ATXN2: variants seen among roughly 807,000 people sequenced by gnomAD.
ATXN2 encodes ataxin-2.
A neutral mutation model predicts 138.6 loss-of-function variants in ATXN2; 37 were observed. That is an observed-to-expected ratio of 0.27 (90% confidence interval 0.21 to 0.35). The LOEUF is 0.35. Among genes scored for constraint, ATXN2 ranks in the 10% least tolerant of loss-of-function variants. ATXN2 has a pLI of 1.00. For missense variants in ATXN2, 1,216 were observed against 1,480.3 expected (o/e 0.82, Z 2.93); for synonymous variants, 549 against 543.7 (o/e 1.01, Z -0.13).
intron 18 of ATXN2, among the ~76,000 whole-genome samples, chr12:111,477,126 T>C (rs1324266618): frequency 1.3e-5 from 2 of 150,230 alleles, no homozygotes; most frequent in Admixed American, 6.7e-5. Flanking sequence ...GCAGATCACC[T>C]GAGGTCAGGA....
At chr12:111,592,803 A>AAAAAAAAAAAAAAAAAAAAAAAC (rs1884741196) in intron 1 of ATXN2, among the ~76,000 whole-genome samples, 1 of 148,252 alleles carries the variant, frequency 6.7e-6, no homozygotes, top group African/African-American at 2.5e-5. Context: ...AAAAAAAAAA[A>AAAAAAAAAAAAAAAAAAAAAAAC]AGATAATAGG....
chr12:111,470,176 G>T lies in ATXN2; in HGVS notation c.2774C>A (p.Ala925Asp). The T allele has an allele frequency of 6.2e-7, 1 of 1,614,100 alleles. No individual in the cohort carries two copies. The highest frequency in any genetic ancestry group is 8.5e-7 in the Non-Finnish European group (1 of 1,179,990). The change falls in exon 20 of 25, where the codon GCC becomes GAC. Residue 925 changes from alanine to aspartate, a missense_variant. By Grantham distance (126) the Ala-to-Asp change is moderately radical. Coordinates refer to ENST00000673436, the MANE Select transcript of ATXN2 (RefSeq NM_001372574.1). The stretch of plus-strand genomic sequence containing the variant: ...TGAAGAAGATACTAAACCAGGCTGG[G>T]CGTGTGTTGGTGGTGCCATCATTCT... ...NARMMAPPTH[A>D]QPGLVSSSAT...
chr12:111,598,763 G>A lies in ATXN2; in HGVS notation c.251+21C>T, dbSNP rs1039839826. ...GGGACGCCGGGCCCGGAGCGGAGGG[G>A]GCTGGGGTGCCGACACCCACCTGCC... On this transcript the variant is annotated intron_variant, in intron 1 of 24. Coordinates refer to ENST00000673436, the MANE Select transcript of ATXN2 (RefSeq NM_001372574.1). This position sits in a 1 kb window ranked among gnomAD's most constrained non-coding sequence, Gnocchi z 4.5. The A allele has an allele frequency of 1.0e-5, 13 of 1,276,022 alleles. No individual in the cohort carries two copies. The highest frequency in any genetic ancestry group is 1.2e-5 in the Non-Finnish European group (12 of 1,013,406). 79.0% of individuals were successfully genotyped at this position (1,276,022 alleles called of 1,614,324 possible).
At chr12:111,517,783 G>C (rs1429131790) in intron 9 of ATXN2, among the ~76,000 whole-genome samples, 1 of 152,048 alleles carries the variant, frequency 6.6e-6, no homozygotes, top group Non-Finnish European at 1.5e-5. Context: ...TGTATTATAA[G>C]TTACCTCAGA....
At position 111,510,792 on chromosome 12, in the gene ATXN2, A is replaced by C. The variant is rs558956496; in HGVS notation, c.1559-210T>G. 1.2e-5 allele frequency: 5 copies of C among 400,356 alleles called. No individual in the cohort carries two copies. In the South Asian group the frequency reaches 1.7e-4, roughly 13 times the overall value. 24.8% of individuals were successfully genotyped at this position (400,356 alleles called of 1,614,324 possible). A position where few individuals can be genotyped will look rare whatever the true frequency, so the allele number is the denominator to read the frequency against. On this transcript the variant is annotated intron_variant, in intron 11 of 24. Coordinates refer to ENST00000673436, the MANE Select transcript of ATXN2 (RefSeq NM_001372574.1). Reference sequence around the variant, plus strand: ...ATGAAGAACAGCAGCAATTACTAACATAAGTATGATTTTCTCTCCTAACTA... The same window carrying C: ...ATGAAGAACAGCAGCAATTACTAACCTAAGTATGATTTTCTCTCCTAACTA...
At position 111,598,893 on chromosome 12, in the gene ATXN2, G is replaced by C; in HGVS notation, c.142C>G (p.Pro48Ala). 1 of 1,502,276 alleles carries C rather than the reference G, an allele frequency of 6.7e-7. No individual in the cohort carries two copies. The highest frequency in any genetic ancestry group is 8.8e-7 in the Non-Finnish European group (1 of 1,132,010). 93.1% of individuals were successfully genotyped at this position (1,502,276 alleles called of 1,614,324 possible). A position where few individuals can be genotyped will look rare whatever the true frequency, so the allele number is the denominator to read the frequency against. ...GAGGACGGCGAAGGCGCGGCGGCGG[G>C]CGACGCTAGAAGGCCGCTGCCGCCG... The part of the protein sequence containing the change: ...KPGGSGLLAS[P>A]AAAPSPSSSS... The change falls in exon 1 of 25, where the codon CCC (proline) becomes GCC (alanine). Residue 48 changes from proline (P) to alanine (A), a missense_variant. Around this residue, in one of 4 missense-constraint regions of ATXN2, gnomAD observed 110 missense variants for 88.7 expected, o/e 1.24. Transcript: ENST00000673436. This position sits in a 1 kb window ranked among gnomAD's most constrained non-coding sequence, Gnocchi z 4.5.
chr12:111,463,855 C>T (rs1315239255), intron 21 of ATXN2, among the ~76,000 whole-genome samples: 2 of 152,136 alleles, frequency 1.3e-5, no homozygotes, highest in South Asian at 2.1e-4. Flanking sequence ...GGCACGACTT[C>T]GGCTCACTGC....
rs71083183 is a variant in ATXN2 at position 111,592,782 on chromosome 12, C to CAAAAAA, written c.251+5996_251+6001dup. Among the ~76,000 whole-genome samples the CAAAAAA allele has an allele frequency of 1.1e-3, 29 of 26,024 alleles. 5 individuals are homozygous for CAAAAAA. Among genetic ancestry groups the CAAAAAA allele is most frequent in the South Asian group, 6.0e-3 (3 of 498 alleles). 17.1% of individuals were successfully genotyped at this position (26,024 alleles called of 152,430 possible). ...TGGGCGACAGAGCAAGACTCCGTCT[C>CAAAAAA]AAAAAAAAAAAAAAAAAAAAAAGAT... On this transcript the variant is annotated intron_variant, in intron 1 of 24. Coordinates refer to ENST00000673436, the MANE Select transcript of ATXN2 (RefSeq NM_001372574.1).
chr12:111,588,717 C>A (rs1040432586), intron 1 of ATXN2, among the ~76,000 whole-genome samples: 1 of 151,722 alleles, frequency 6.6e-6, no homozygotes, highest in African/African-American at 2.4e-5. Context: ...CCAGGCCGGA[C>A]GCGGTGGCTC....
At chr12:111,546,915 A>C (rs1881825887) in intron 5 of ATXN2, among the ~76,000 whole-genome samples, 1 of 152,244 alleles carries the variant, frequency 6.6e-6, no homozygotes, top group South Asian at 2.1e-4. Context: ...CACAGCTCAT[A>C]TGACGTAAAG....
At chr12:111,584,376 T>TAA (rs1884194822) in intron 1 of ATXN2, among the ~76,000 whole-genome samples, 2 of 7,304 alleles carry the variant, frequency 2.7e-4, no homozygotes, top group Non-Finnish European at 1.0e-3. Context: ...AGACCCTGTC[T>TAA]CAAAAAAAAA....
chr12:111,598,957 C>T lies in ATXN2; in HGVS notation c.78G>A (p.Gln26=), dbSNP rs1385856437. The change falls in exon 1 of 25, where the codon CAG becomes CAA. Residue 26 remains glutamine (Q), a synonymous_variant. Transcript: ENST00000673436. This position sits in a 1 kb window ranked among gnomAD's most constrained non-coding sequence, Gnocchi z 4.5. ...QQQQQQQQQQ[Q]QQPPPAAANV... ...TGGCAGCCGCGGGCGGCGGCTGCTG[C>T]TGCTGCTGCTGCTGCTGCTGTTGCT... The T allele has an allele frequency of 1.4e-4, 203 of 1,480,302 alleles. No homozygotes were observed. The Admixed American group carries it at 4.1e-3, about 30-fold the overall frequency. 91.7% of individuals were successfully genotyped at this position (1,480,302 alleles called of 1,614,324 possible).
At chr12:111,536,714 T>C (rs1566049989) in intron 5 of ATXN2, among the ~76,000 whole-genome samples, 2 of 151,894 alleles carry the variant, frequency 1.3e-5, no homozygotes, top group African/African-American at 2.4e-5. Flanking sequence ...GGTATGTGTA[T>C]GTATGTATGA....
chr12:111,598,064 A>G lies in ATXN2; in HGVS notation c.251+720T>C. 4 of 1,152,552 alleles carry G rather than the reference A, an allele frequency of 3.5e-6. No homozygotes were observed. The highest frequency in any genetic ancestry group is 2.2e-6 in the Non-Finnish European group (2 of 920,564). The allele number at this position is 1,152,552 out of a possible 1,614,324, so 71.4% of individuals were successfully genotyped here. A position where few individuals can be genotyped will look rare whatever the true frequency, so the allele number is the denominator to read the frequency against. ...ACCCCTTCCCTTCCCCAGGTGGGGGAGGGTGGAACGCTGCCGGAGGCCACA... is the reference window on the plus strand; with the variant it reads ...ACCCCTTCCCTTCCCCAGGTGGGGGGGGGTGGAACGCTGCCGGAGGCCACA... On this transcript the variant is annotated intron_variant, in intron 1 of 24. Coordinates refer to ENST00000673436, the MANE Select transcript of ATXN2 (RefSeq NM_001372574.1). The surrounding 1 kb of genome is among the most constrained non-coding windows in gnomAD (Gnocchi z 4.5).
Position 111,598,079 on chromosome 12 carries a change from C to T in ATXN2, c.251+705G>A, listed in dbSNP as rs1454200642. 7.0e-6 allele frequency: 8 copies of T among 1,134,904 alleles called. No homozygotes were observed. Among genetic ancestry groups the T allele is most frequent in the Non-Finnish European group, 8.8e-6 (8 of 910,918 alleles). The allele number at this position is 1,134,904 out of a possible 1,614,324, so 70.3% of individuals were successfully genotyped here. On this transcript the variant is annotated intron_variant, in intron 1 of 24. Transcript: ENST00000673436. The surrounding 1 kb of genome is among the most constrained non-coding windows in gnomAD (Gnocchi z 4.5). ...CAGGTGGGGGAGGGTGGAACGCTGCCGGAGGCCACATGGAGCCCCACGATT... is the reference window on the plus strand; with the variant it reads ...CAGGTGGGGGAGGGTGGAACGCTGCTGGAGGCCACATGGAGCCCCACGATT...
rs377085256 is a variant in ATXN2 at position 111,510,459 on chromosome 12, G to T, written c.1682C>A (p.Ala561Asp). The change falls in exon 12 of 25, where the codon GCC becomes GAC. Residue 561 changes from alanine (A) to aspartate (D), a missense_variant. This residue lies in a region of ATXN2 where 215 missense variants were observed against 210.0 expected (regional missense o/e 1.02). Transcript: ENST00000673436. ...QAGIIPTEAVAMPIPAASPTP... is the reference protein window; with the variant it reads ...QAGIIPTEAVDMPIPAASPTP... ...AGGAGATGCAGCTGGAATAGGCATG[G>T]CAACAGCTTCAGTTGGAATAATACC... The T allele has an allele frequency of 3.5e-5, 56 of 1,614,016 alleles. No individual in the cohort carries two copies. Among genetic ancestry groups the T allele is most frequent in the Non-Finnish European group, 4.7e-5 (56 of 1,180,032 alleles).
intron 18 of ATXN2, among the ~76,000 whole-genome samples, chr12:111,473,824 T>C (rs1034597782): frequency 6.7e-6 from 1 of 149,868 alleles, no homozygotes. Context: ...TTTACAAAGA[T>C]TACAGGGGAC....
At chr12:111,528,007 C>G (rs1382814042) in intron 5 of ATXN2, among the ~76,000 whole-genome samples, 1 of 152,092 alleles carries the variant, frequency 6.6e-6, no homozygotes, top group African/African-American at 2.4e-5. Flanking sequence ...CAACACTAGA[C>G]AAAAAACTAC....
intron 1 of ATXN2, among the ~76,000 whole-genome samples, chr12:111,594,532 A>C (rs1437660858): frequency 6.6e-6 from 1 of 152,078 alleles, no homozygotes; most frequent in Non-Finnish European, 1.5e-5. Flanking sequence ...CAAGAGAAAG[A>C]AGCAGTAAAA....
Sources: allele counts gnomAD v4.1 joint callset (sites outside exome capture counted in the v4.1 genomes callset), GRCh38; gene constraint gnomAD v4.1.1; regional missense constraint gnomAD v4.1.1; non-coding constraint Gnocchi (gnomAD v3.1); transcripts MANE v1.5; gene names NCBI Gene and HGNC (gene_info 2026-07-23, HGNC 2026-07-21).